The following BRINP3 variants were observed in gnomAD, a reference collection of about 807,000 sequenced individuals.
The protein encoded by BRINP3 is BMP/retinoic acid-inducible neural-specific protein 3.
A neutral mutation model predicts 71.0 loss-of-function variants in BRINP3; 19 were observed. The observed-to-expected ratio is 0.27, with a 90% CI of 0.19 to 0.39. BRINP3 has a LOEUF of 0.39. Among genes scored for constraint, BRINP3 ranks in the 10% least tolerant of loss-of-function variants. The probability of loss-of-function intolerance (pLI) is 1.00; values close to 1 mark genes in which losing one functional copy is unlikely to be tolerated. For missense variants in BRINP3, 959 were observed against 940.8 expected (o/e 1.02, Z -0.25); for synonymous variants, 380 against 337.7 (o/e 1.13, Z -1.37).
intron 6 of BRINP3, among the ~76,000 whole-genome samples, chr1:190,168,744 T>G (rs770044988): frequency 3.9e-5 from 6 of 152,310 alleles, no homozygotes; most frequent in Admixed American, 6.5e-5. Context: ...AAGAGAGTAT[T>G]CATATTCCAT....
intron 4 of BRINP3, among the ~76,000 whole-genome samples, chr1:190,245,577 G>C (rs1659517999): frequency 6.6e-6 from 1 of 151,724 alleles, no homozygotes; most frequent in African/African-American, 2.4e-5. Context: ...AACAAAAATG[G>C]AAAGGACAAG....
intron 2 of BRINP3, among the ~76,000 whole-genome samples, chr1:190,358,795 A>C (rs1351145815): frequency 6.6e-6 from 1 of 152,208 alleles, no homozygotes; most frequent in African/African-American, 2.4e-5. Flanking sequence ...GATTAAGAAA[A>C]TGTGGCACAT....
At chr1:190,311,972 G>A (rs1184945157) in intron 2 of BRINP3, among the ~76,000 whole-genome samples, 3 of 138,264 alleles carry the variant, frequency 2.2e-5, no homozygotes, top group Non-Finnish European at 4.6e-5. Context: ...ATCTTAATTA[G>A]ACAAAATATT....
chr1:190,351,713 C>A (rs1416498103), intron 2 of BRINP3, among the ~76,000 whole-genome samples: 1 of 151,994 alleles, frequency 6.6e-6, no homozygotes, highest in African/African-American at 2.4e-5. Flanking sequence ...TAGATTCATG[C>A]AGTTTGGTTG....
chr1:190,121,365 A>G (rs890927414), intron 7 of BRINP3, among the ~76,000 whole-genome samples: 7 of 152,216 alleles, frequency 4.6e-5, no homozygotes, highest in Non-Finnish European at 1.0e-4. Context: ...TAGAACTAAA[A>G]GCACAAACCA....
In BRINP3 at chr1:190,098,960, T is replaced by C. The variant is rs1182714281; in HGVS notation, c.1359A>G (p.Ala453=). The part of the protein sequence containing the change: ...VGDASACLTC[A]PDNRTRCGTC... ...TGCCGCAGCGGGTGCGGTTGTCTGG[T>C]GCGCATGTCAGGCAGGCAGAGGCGT... is the stretch of plus-strand genomic sequence containing the variant. The change falls in exon 8 of 8, where the codon GCA becomes GCG. Residue 453 remains alanine, a synonymous_variant. Transcript: ENST00000367462. 1.2e-6 allele frequency: 2 copies of C among 1,613,972 alleles called. No individual in the cohort carries two copies. Among genetic ancestry groups the C allele is most frequent in the South Asian group, 2.2e-5 (2 of 91,086 alleles).
Position 190,322,068 on chromosome 1 carries a change from C to A in BRINP3, c.237-40318G>T, listed in dbSNP as rs546664705. 7.9e-5 allele frequency among the ~76,000 whole-genome samples: 12 copies of A among 151,678 alleles called. No individual in the cohort carries two copies. In the East Asian group the frequency reaches 2.1e-3, roughly 27 times the overall value. The stretch of plus-strand genomic sequence containing the variant: ...TGTGTGCATATATATATGATTATTT[C>A]TCATACATATATGGGAAATAATAGT... On this transcript the variant is annotated intron_variant, in intron 2 of 7. Coordinates refer to ENST00000367462, the MANE Select transcript of BRINP3 (RefSeq NM_199051.3).
chr1:190,152,447 A>C (rs1288011463), intron 7 of BRINP3, among the ~76,000 whole-genome samples: 1 of 151,798 alleles, frequency 6.6e-6, no homozygotes, highest in Non-Finnish European at 1.5e-5. Context: ...GATTCTCTAT[A>C]AATATAATGA....
chr1:190,453,644 G>A lies in BRINP3; in HGVS notation c.236+1011C>T, dbSNP rs34917918. On this transcript the variant is annotated intron_variant, in intron 2 of 7. Coordinates refer to ENST00000367462, the MANE Select transcript of BRINP3 (RefSeq NM_199051.3). ...AAGCAATAATTGTGTGGTGCTTCAT[G>A]GAACTTGCTCAGGACATTCAGTGTC... Among the ~76,000 whole-genome samples the A allele has an allele frequency of 7.4e-3, 1,120 of 152,244 alleles. 4 individuals carry two copies. The highest frequency in any genetic ancestry group is 0.017 in the Middle Eastern group (5 of 292).
intron 7 of BRINP3, among the ~76,000 whole-genome samples, chr1:190,120,727 A>C (rs111380814): frequency 6.7e-6 from 1 of 149,470 alleles, no homozygotes; most frequent in Non-Finnish European, 1.5e-5. Flanking sequence ...CTGGTCTTGA[A>C]CTCCTGACCT....
intron 7 of BRINP3, among the ~76,000 whole-genome samples, chr1:190,136,666 A>G (rs1655003510): frequency 6.6e-6 from 1 of 152,108 alleles, no homozygotes; most frequent in African/African-American, 2.4e-5. Flanking sequence ...CCATCATCTA[A>G]TTCAAATTTT....
intron 2 of BRINP3, among the ~76,000 whole-genome samples, chr1:190,433,243 T>A (rs893606315): frequency 6.6e-6 from 1 of 152,196 alleles, no homozygotes; most frequent in Non-Finnish European, 1.5e-5. Flanking sequence ...CTTCAGACTG[T>A]CAAGGAACCT....
intron 1 of BRINP3, among the ~76,000 whole-genome samples, chr1:190,456,630 A>G (rs1474833665): frequency 2.0e-5 from 3 of 152,024 alleles, no homozygotes; most frequent in African/African-American, 7.2e-5. Flanking sequence ...ACTTTCATTT[A>G]TAAACACAAT....
intron 2 of BRINP3, among the ~76,000 whole-genome samples, chr1:190,314,793 C>T (rs1172498736): frequency 2.6e-5 from 4 of 152,214 alleles, no homozygotes; most frequent in East Asian, 3.9e-4. Flanking sequence ...AATCCCTAAA[C>T]GGAGACCTTG....
chr1:190,319,257 C>A (rs557340094), intron 2 of BRINP3, among the ~76,000 whole-genome samples: 1 of 152,044 alleles, frequency 6.6e-6, no homozygotes, highest in East Asian at 1.9e-4. Context: ...CCCTTATTCC[C>A]CTTTCTCCTC....
chr1:190,440,229 T>C (rs1674725882), intron 2 of BRINP3, among the ~76,000 whole-genome samples: 1 of 151,962 alleles, frequency 6.6e-6, no homozygotes, highest in Admixed American at 6.6e-5. Flanking sequence ...GTCTCTTGCA[T>C]TATTTAAATC....
At chr1:190,306,223 TG>T (rs1457964243) in intron 2 of BRINP3, among the ~76,000 whole-genome samples, 2 of 151,532 alleles carry the variant, frequency 1.3e-5, no homozygotes, top group Admixed American at 6.6e-5. Context: ...AAATTAGTGC[TG>T]TCCAAAAAAA....
intron 6 of BRINP3, among the ~76,000 whole-genome samples, chr1:190,175,345 C>G (rs1180087203): frequency 6.6e-6 from 1 of 151,778 alleles, no homozygotes; most frequent in Admixed American, 6.6e-5. Context: ...AGCGATTTAC[C>G]AAAAATATAT....
intron 2 of BRINP3, among the ~76,000 whole-genome samples, chr1:190,322,619 G>A (rs1444808735): frequency 6.6e-6 from 1 of 151,940 alleles, no homozygotes; most frequent in Non-Finnish European, 1.5e-5. Flanking sequence ...AAATGAATCC[G>A]AGGACCAGAA....
Sources: gnomAD v4.1 joint callset for allele counts (sites outside exome capture counted in the v4.1 genomes callset) on GRCh38, gnomAD v4.1.1 for gene constraint, MANE v1.5 for transcripts, NCBI Gene and HGNC (gene_info 2026-07-23, HGNC 2026-07-21) for gene names.